Variants in PHKB observed in about 807,000 individuals in gnomAD.
PHKB encodes the protein phosphorylase kinase regulatory subunit beta.
A neutral mutation model predicts 152.1 loss-of-function variants in PHKB; 122 were observed. The ratio of observed to expected loss-of-function variants is 0.80; its 90% CI spans 0.69 to 0.93. The LOEUF (loss-of-function observed/expected upper bound fraction) is 0.93. Among genes scored for constraint, PHKB ranks in the 40% least tolerant of loss-of-function variants. PHKB has a pLI of 0.00. For synonymous variants in PHKB, 436 were observed against 464.9 expected (o/e 0.94, Z 0.80); for missense variants, 1,304 against 1,328.4 (o/e 0.98, Z 0.29).
intron 7 of PHKB, among the ~76,000 whole-genome samples, chr16:47,578,609 C>T (rs1971788823): frequency 6.6e-6 from 1 of 152,146 alleles, no homozygotes. Context: ...TGCTTCATTA[C>T]TGGTTCTCAT....
intron 20 of PHKB, among the ~76,000 whole-genome samples, chr16:47,652,379 CTTT>C (rs112153239): frequency 4.3e-5 from 5 of 116,746 alleles, no homozygotes; most frequent in Admixed American, 8.7e-5. Flanking sequence ...CTCTAGTGGT[CTTT>C]TTTTTTTTTT....
chr16:47,638,007 G>A (rs1017594972), intron 14 of PHKB, among the ~76,000 whole-genome samples: 5 of 151,900 alleles, frequency 3.3e-5, no homozygotes, highest in Admixed American at 1.3e-4. Flanking sequence ...TGAGGGTTCC[G>A]CCCTCATGAC....
intron 14 of PHKB, among the ~76,000 whole-genome samples, chr16:47,639,890 T>C (rs531039441): frequency 3.5e-4 from 53 of 152,330 alleles, no homozygotes; most frequent in Non-Finnish European, 5.7e-4. Flanking sequence ...TTAGAAATCT[T>C]GATGAGGCTT....
intron 1 of PHKB, among the ~76,000 whole-genome samples, chr16:47,480,182 C>G (rs1310333393): frequency 6.6e-6 from 1 of 152,110 alleles, no homozygotes; most frequent in Non-Finnish European, 1.5e-5. Flanking sequence ...CCTCCATTTT[C>G]AGAGAGTTGC....
rs1441714508 is a variant in PHKB, at chr16:47,580,218, G to A, written c.711-77G>A. The A allele has an allele frequency of 1.4e-5, 15 of 1,081,108 alleles. No homozygotes were observed. The Admixed American group carries it at 2.7e-4, about 20-fold the overall frequency. 67.0% of individuals were successfully genotyped at this position (1,081,108 alleles called of 1,614,324 possible). On this transcript the variant is annotated intron_variant, in intron 7 of 30. Transcript: ENST00000323584. ...AATGTTAATAAAGAAATTTGCTCGTGAATATTCATCAGATAATGGTTCTGA... is the reference window on the plus strand; with the variant it reads ...AATGTTAATAAAGAAATTTGCTCGTAAATATTCATCAGATAATGGTTCTGA...
intron 4 of PHKB, among the ~76,000 whole-genome samples, chr16:47,506,939 CT>C (rs1007320752): frequency 3.9e-5 from 6 of 152,160 alleles, no homozygotes; most frequent in African/African-American, 9.7e-5. Context: ...AGGTTTTTTC[CT>C]TGTGGCACGG....
At chr16:47,644,557 C>T (rs745703060) in intron 16 of PHKB, among the ~76,000 whole-genome samples, 33 of 152,114 alleles carry the variant, frequency 2.2e-4, no homozygotes, top group Non-Finnish European at 3.8e-4. Context: ...TATTTGAAAT[C>T]GGTCCAAATC....
chr16:47,495,790 G>T (rs940497817), intron 1 of PHKB, among the ~76,000 whole-genome samples: 1 of 152,136 alleles, frequency 6.6e-6, no homozygotes, highest in Admixed American at 6.5e-5. Context: ...TTCCTTTGAA[G>T]CAGGAAAGGA....
chr16:47,628,328 C>T (rs556308246), intron 14 of PHKB, among the ~76,000 whole-genome samples: 19 of 152,064 alleles, frequency 1.2e-4, no homozygotes, highest in African/African-American at 4.1e-4. Context: ...GTCAGGAGAT[C>T]GAGACCATCC....
At position 47,586,964 on chromosome 16, in the gene PHKB, T is replaced by TA. The variant is rs952086497; in HGVS notation, c.775-698dup. The stretch of plus-strand genomic sequence containing the variant: ...TATATACGTATATGGGGGAATTGTA[T>TA]AAAAAATATATATATGGGGGAATTG... On this transcript the variant is annotated intron_variant, in intron 8 of 30. Coordinates refer to ENST00000323584, the MANE Select transcript of PHKB (RefSeq NM_000293.3). 5.3e-5 allele frequency among the ~76,000 whole-genome samples: 8 copies of TA among 152,222 alleles called. No individual in the cohort carries two copies. The South Asian group carries it at 8.3e-4, about 16-fold the overall frequency.
At chr16:47,503,478 TA>T (rs1365237158) in intron 4 of PHKB, among the ~76,000 whole-genome samples, 1 of 152,218 alleles carries the variant, frequency 6.6e-6, no homozygotes, top group African/African-American at 2.4e-5. Flanking sequence ...AACTTTAGTT[TA>T]AAAATGTAAC....
intron 28 of PHKB, among the ~76,000 whole-genome samples, chr16:47,695,384 G>T (rs1216095839): frequency 6.6e-6 from 1 of 152,132 alleles, no homozygotes; most frequent in Non-Finnish European, 1.5e-5. Context: ...TAGCAATGGG[G>T]CTTTATTTTC....
chr16:47,681,744 T>C (rs1214879263), intron 26 of PHKB, among the ~76,000 whole-genome samples: 1 of 152,206 alleles, frequency 6.6e-6, no homozygotes, highest in Non-Finnish European at 1.5e-5. Flanking sequence ...TCTGTGTCTT[T>C]TAGTTGGAGC....
At chr16:47,688,047 A>T (rs1157846421) in intron 26 of PHKB, among the ~76,000 whole-genome samples, 1 of 152,232 alleles carries the variant, frequency 6.6e-6, no homozygotes, top group Non-Finnish European at 1.5e-5. Context: ...CTGTACCTGC[A>T]ATATCCTTGT....
At chr16:47,687,187 AAAAT>A (rs535118597) in intron 26 of PHKB, among the ~76,000 whole-genome samples, 2 of 152,242 alleles carry the variant, frequency 1.3e-5, no homozygotes, top group Non-Finnish European at 2.9e-5. Flanking sequence ...AGAAATGAAT[AAAAT>A]AAATAAATAA....
chr16:47,611,890 T>C (rs76483165), intron 14 of PHKB, among the ~76,000 whole-genome samples: 2,383 of 152,302 alleles, frequency 0.016, 31 homozygotes, highest in Middle Eastern at 0.024. Context: ...TGTGTTAATA[T>C]GTGATGAAAA....
intron 7 of PHKB, among the ~76,000 whole-genome samples, chr16:47,564,389 T>G (rs1047596541): frequency 3.9e-5 from 6 of 152,202 alleles, no homozygotes; most frequent in African/African-American, 1.4e-4. Flanking sequence ...TAAGGAGGTA[T>G]CTCACTGTGG....
chr16:47,638,233 C>T (rs1972956638), intron 14 of PHKB, among the ~76,000 whole-genome samples: 1 of 152,088 alleles, frequency 6.6e-6, no homozygotes, highest in African/African-American at 2.4e-5. Flanking sequence ...AATAGGATGA[C>T]AGATAATCCA....
At chr16:47,487,635 CTTCT>C (rs1970072301) in intron 1 of PHKB, among the ~76,000 whole-genome samples, 1 of 152,092 alleles carries the variant, frequency 6.6e-6, no homozygotes, top group Non-Finnish European at 1.5e-5. Context: ...CTATTGTTCC[CTTCT>C]TTGTGTCCAC....
Sources: allele counts gnomAD v4.1 joint callset (sites outside exome capture counted in the v4.1 genomes callset), GRCh38; gene constraint gnomAD v4.1.1; transcripts MANE v1.5; gene names NCBI Gene and HGNC (gene_info 2026-07-23, HGNC 2026-07-21).